Variants in MELTF observed in about 807,000 individuals in gnomAD.
The protein encoded by MELTF is melanotransferrin, also known as antigen p97 (melanoma associated) identified by monoclonal antibodies 133.2 and 96.5.
Under a neutral mutation model 83.7 loss-of-function variants are expected in MELTF, and 67 were observed. The ratio of observed to expected loss-of-function variants is 0.80; its 90% CI spans 0.66 to 0.98. MELTF has a LOEUF of 0.98. MELTF is among the 50% of genes least tolerant of loss of function. The probability of loss-of-function intolerance (pLI) is 0.00; values close to 1 mark genes in which losing one functional copy is unlikely to be tolerated. For synonymous variants in MELTF, 462 were observed against 447.6 expected, an observed-to-expected ratio of 1.03 and a Z score of -0.41; for missense variants, 1,002 against 1,035.6, an observed-to-expected ratio of 0.97 and a Z score of 0.44.
At position 197,004,076 on chromosome 3, in the gene MELTF, A is replaced by C. The variant is rs1718887158; in HGVS notation, c.1962T>G (p.Asn654Lys). ...AGTCGAACATTTTGAACCCGTTCTT[A>C]TTGTGGTCGTCTCCAAACAGGTCCT... Reference protein sequence around the residue: ...KAQDLFGDDHNKNGFKMFDSS... With the variant: ...KAQDLFGDDHKKNGFKMFDSS... The change falls in exon 15 of 16, where the codon AAT becomes AAG. Residue 654 changes from asparagine (N) to lysine (K), a missense_variant. Coordinates refer to ENST00000296350, the MANE Select transcript of MELTF (RefSeq NM_005929.6). 2.0e-5 allele frequency: 33 copies of C among 1,614,094 alleles called. No individual in the cohort carries two copies. Among genetic ancestry groups the C allele is most frequent in the Non-Finnish European group, 2.8e-5 (33 of 1,180,016 alleles).
At chr3:197,013,000 C>T (rs1346608135) in intron 9 of MELTF, among the ~76,000 whole-genome samples, 6 of 152,220 alleles carry the variant, frequency 3.9e-5, no homozygotes, top group Non-Finnish European at 8.8e-5. Context: ...AAAATGTATT[C>T]TGAGTGCTCG....
At chr3:197,025,289 G>GTGT (rs1271160622) in intron 3 of MELTF, among the ~76,000 whole-genome samples, 1 of 152,232 alleles carries the variant, frequency 6.6e-6, no homozygotes. Flanking sequence ...CATAAAGCCA[G>GTGT]TGTTACTTCT....
chr3:197,021,540 G>A, intron 5 of MELTF, 69 bp from the exon 6 acceptor site: 1 of 1,482,252 alleles, frequency 6.7e-7, no homozygotes, highest in Non-Finnish European at 9.3e-7. Context: ...ACCTCTGGAG[G>A]CCTGGCTTGG....
In MELTF at chr3:197,020,800, C is replaced by G. The variant is rs1355429886; in HGVS notation, c.712+604G>C. Among the ~76,000 whole-genome samples the G allele has an allele frequency of 3.3e-5, 5 of 151,998 alleles. No individual in the cohort carries two copies. In the East Asian group the frequency reaches 9.7e-4, roughly 29 times the overall value. On this transcript the variant is annotated intron_variant, in intron 6 of 15. Transcript: ENST00000296350. ...TCCCCTGCCTCAGCCTCCCAAGTAGCTGGGATTTGAGGCACCCACCACCAC... is the reference window on the plus strand; with the variant it reads ...TCCCCTGCCTCAGCCTCCCAAGTAGGTGGGATTTGAGGCACCCACCACCAC...
In MELTF at chr3:197,024,530, G is replaced by A. The variant is rs762053800; in HGVS notation, c.305-45C>T. ...GGTGAGGGCAGCAGGGAGAGGCCTC[G>A]AGAGAGGCTGCACCAGCACCCTGCC... is the stretch of plus-strand genomic sequence containing the variant. On this transcript the variant is annotated intron_variant, in intron 3 of 15. Coordinates refer to ENST00000296350, the MANE Select transcript of MELTF (RefSeq NM_005929.6). The surrounding 1 kb of genome is among the most constrained non-coding windows in gnomAD (Gnocchi z 5.3). The A allele has an allele frequency of 2.0e-5, 30 of 1,511,364 alleles. No individual in the cohort carries two copies. Among genetic ancestry groups the A allele is most frequent in the Admixed American group, 1.4e-4 (7 of 51,362 alleles). The allele number at this position is 1,511,364 out of a possible 1,614,324, so 93.6% of individuals were successfully genotyped here.
Position 197,023,048 on chromosome 3 carries a change from G to C in MELTF, c.553C>G (p.Leu185Val), listed in dbSNP as rs760603799. 3.7e-6 allele frequency: 6 copies of C among 1,613,752 alleles called. No homozygotes were observed. The Admixed American group carries it at 6.7e-5, about 18-fold the overall frequency. Residue 185 changes from leucine (L) to valine (V), a missense_variant, in exon 5 of 16, where the codon CTC (leucine) becomes GTC (valine). Leu to Val is a conservative substitution (Grantham distance 32, BLOSUM62 1). Transcript: ENST00000296350. ...GAGETSYSESLCRLCRGDSSG... is the reference protein window; with the variant it reads ...GAGETSYSESVCRLCRGDSSG... ...CTGTCACCCCTGCAGAGGCGACAGA[G>C]GGACTCAGAGTAACTGGTCTCTCCT... is the stretch of plus-strand genomic sequence containing the variant.
chr3:197,015,923 G>T (rs1232050061), intron 8 of MELTF, among the ~76,000 whole-genome samples: 1 of 152,154 alleles, frequency 6.6e-6, no homozygotes, highest in East Asian at 1.9e-4. Context: ...CGTGGATGGG[G>T]GGGCGAGGAG....
chr3:197,024,433 C>G lies in MELTF; in HGVS notation c.357G>C (p.Val119=). The change falls in exon 4 of 16, where the codon GTG becomes GTC. Residue 119 remains valine, a synonymous_variant. Coordinates refer to ENST00000296350, the MANE Select transcript of MELTF (RefSeq NM_005929.6). This position sits in a 1 kb window ranked among gnomAD's most constrained non-coding sequence, Gnocchi z 5.3. ...AVAVVRRSSH[V]TIDTLKGVKS... is the part of the protein sequence containing the mutation. ...TCACGCCTTTCAGGGTGTCAATGGT[C>G]ACATGGGAGCTCCTCCTGACCACAG... The G allele has an allele frequency of 6.2e-7, 1 of 1,608,890 alleles. No individual in the cohort carries two copies. The highest frequency in any genetic ancestry group is 8.5e-7 in the Non-Finnish European group (1 of 1,176,732).
chr3:197,018,992 G>GA (rs1464762696), intron 6 of MELTF: 20 of 985,016 alleles, frequency 2.0e-5, no homozygotes, highest in Non-Finnish European at 2.4e-5. Context: ...AGACAAGGAG[G>GA]AAAAAAACCT....
chr3:197,003,409 G>GGCA lies in MELTF; in HGVS notation c.2177_2179dup (p.Leu726dup). Reference sequence around the variant, plus strand: ...CGGGAGCAGGCGGGCGGCGAGGGCGGGCAGCAGCAGCGGGAGCAGGGGCGC... The same window carrying GGCA: ...CGGGAGCAGGCGGGCGGCGAGGGCGGGCAGCAGCAGCAGCGGGAGCAGGGGCGC... On this transcript the variant is annotated inframe_insertion, in exon 16 of 16. Transcript: ENST00000296350. This position sits in a 1 kb window ranked among gnomAD's most constrained non-coding sequence, Gnocchi z 6.2. 1.8e-6 allele frequency: 2 copies of GGCA among 1,108,984 alleles called. No individual in the cohort carries two copies. Among genetic ancestry groups the GGCA allele is most frequent in the East Asian group, 5.1e-5 (1 of 19,620 alleles). 68.7% of individuals were successfully genotyped at this position (1,108,984 alleles called of 1,614,324 possible).
chr3:197,016,102 T>C (rs960415775), intron 8 of MELTF, 87 bp downstream of exon 8: 6 of 1,240,928 alleles, frequency 4.8e-6, no homozygotes, highest in Admixed American at 3.1e-5. Context: ...GGTGAGCGTC[T>C]TCCCCCGGCC....
chr3:197,008,740 C>A lies in MELTF; in HGVS notation c.1683-16G>T. ...CACCAGGCACCTGCCACACAGAGGGCAGGGCAGGCGTCGGCAGGAGGGTCC... is the reference window on the plus strand; with the variant it reads ...CACCAGGCACCTGCCACACAGAGGGAAGGGCAGGCGTCGGCAGGAGGGTCC... On this transcript the variant is annotated splice_polypyrimidine_tract_variant and intron_variant, in intron 12 of 15. Transcript: ENST00000296350. The surrounding 1 kb of genome is among the most constrained non-coding windows in gnomAD (Gnocchi z 5.4). 1 of 1,613,976 alleles carries A rather than the reference C, an allele frequency of 6.2e-7. No individual in the cohort carries two copies. Among genetic ancestry groups the A allele is most frequent in the South Asian group, 1.1e-5 (1 of 91,060 alleles).
At chr3:197,012,708 C>G (rs1719232115) in intron 9 of MELTF, among the ~76,000 whole-genome samples, 1 of 152,254 alleles carries the variant, frequency 6.6e-6, no homozygotes, top group Non-Finnish European at 1.5e-5. Context: ...GCCACGGGGG[C>G]CCCCTCTGCA....
intron 6 of MELTF, 105 bp downstream of exon 6, chr3:197,021,299 C>G: frequency 1.9e-6 from 2 of 1,046,522 alleles, no homozygotes; most frequent in Non-Finnish European, 2.9e-6. Context: ...CAGAGCAGCA[C>G]TGCACTAGGG....
chr3:197,003,381 G>A lies in MELTF; in HGVS notation c.2208C>T (p.Pro736=). 1 of 1,081,298 alleles carries A rather than the reference G, an allele frequency of 9.2e-7. No homozygotes were observed. Among genetic ancestry groups the A allele is most frequent in the Admixed American group, 5.3e-5 (1 of 18,892 alleles). 67.0% of individuals were successfully genotyped at this position (1,081,298 alleles called of 1,614,324 possible). Residue 736 remains proline, a synonymous_variant, in exon 16 of 16, where the codon CCC becomes CCT. Coordinates refer to ENST00000296350, the MANE Select transcript of MELTF (RefSeq NM_005929.6). The surrounding 1 kb of genome is among the most constrained non-coding windows in gnomAD (Gnocchi z 6.2). ...LPALAARLLP[P]AL is the part of the protein sequence containing the mutation. The stretch of plus-strand genomic sequence containing the variant: ...GGCGGGGCGGCCGGGCTCAGAGGGC[G>A]GGCGGGAGCAGGCGGGCGGCGAGGG...
intron 6 of MELTF, chr3:197,019,903 A>AC: frequency 7.0e-7 from 1 of 1,427,348 alleles, no homozygotes; most frequent in Non-Finnish European, 9.2e-7. Context: ...TGCAGACAGA[A>AC]CGGTGTGTTT....
rs374248217 is a variant in MELTF at position 197,016,182 on chromosome 3, G to A, written c.1081+7C>T. ...GAGCTGGCAGCAGTGGGGACAGGTG[G>A]ACTTACGGTTGGGGTCACAGAGCAG... On this transcript the variant is annotated splice_region_variant and intron_variant, in intron 8 of 15. Transcript: ENST00000296350. The A allele has an allele frequency of 7.3e-4, 1,109 of 1,520,604 alleles. 15 individuals carry two copies. In the South Asian group the frequency reaches 0.013, roughly 18 times the overall value. 94.2% of individuals were successfully genotyped at this position (1,520,604 alleles called of 1,614,324 possible).
chr3:197,014,362 G>T (rs1719283615), intron 9 of MELTF, among the ~76,000 whole-genome samples: 1 of 150,376 alleles, frequency 6.6e-6, no homozygotes. Context: ...GGAAGGGTAG[G>T]GGAAGGGAGG....
At chr3:197,012,241 C>T (rs1031908543) in intron 9 of MELTF, among the ~76,000 whole-genome samples, 10 of 152,182 alleles carry the variant, frequency 6.6e-5, no homozygotes, top group Admixed American at 3.9e-4. Flanking sequence ...GCTCAGGCAA[C>T]GCGGTGTGGG....
Sources: gnomAD v4.1 joint callset for allele counts (sites outside exome capture counted in the v4.1 genomes callset) on GRCh38, gnomAD v4.1.1 for gene constraint, Gnocchi (gnomAD v3.1) non-coding constraint, MANE v1.5 for transcripts, NCBI Gene and HGNC (gene_info 2026-07-23, HGNC 2026-07-21) for gene names.